Variants in CFAP299 observed in about 807,000 individuals in gnomAD.
CFAP299 encodes cilia and flagella associated protein 299.
A neutral mutation model predicts 27.0 loss-of-function variants in CFAP299; 21 were observed. That is an observed-to-expected ratio of 0.78 (90% CI 0.55 to 1.12). The LOEUF (loss-of-function observed/expected upper bound fraction) is 1.12, where lower values mean the gene tolerates loss of function less well. Among genes scored for constraint, CFAP299 ranks in the 50% most tolerant of loss-of-function variants. CFAP299 has a pLI of 0.00. For synonymous variants in CFAP299, 104 were observed against 98.1 expected, an observed-to-expected ratio of 1.06 and a Z score of -0.36; for missense variants, 310 against 276.6, an observed-to-expected ratio of 1.12 and a Z score of -0.86.
chr4:80,390,640 T>TATGTATATATGTATATATGTATACACAC (rs1725328421), intron 2 of CFAP299, among the ~76,000 whole-genome samples: 1 of 94,518 alleles, frequency 1.1e-5, no homozygotes, highest in African/African-American at 4.8e-5. Context: ...TGTATACACA[T>TATGTATATATGTATATATGTATACACAC]ATATGTATGT....
At chr4:80,617,174 T>G (rs1367897826) in intron 3 of CFAP299, among the ~76,000 whole-genome samples, 2 of 152,254 alleles carry the variant, frequency 1.3e-5, no homozygotes, top group Middle Eastern at 3.4e-3. Flanking sequence ...AAAAAAGTAA[T>G]GAAATTGTGA....
In CFAP299 at chr4:80,526,781, A is replaced by G. The variant is rs147567938; in HGVS notation, c.243-56312A>G. ...AGAACAGATTCACTTTATCTCTCAT[A>G]TTACATTTTACCTTACACACCTTTT... On this transcript the variant is annotated intron_variant, in intron 2 of 5. Transcript: ENST00000358105. Among the ~76,000 whole-genome samples, 305 of 152,250 alleles carry G rather than the reference A, an allele frequency of 2.0e-3. 1 individual carries two copies. Among genetic ancestry groups the G allele is most frequent in the Non-Finnish European group, 3.6e-3 (243 of 68,006 alleles).
intron 3 of CFAP299, among the ~76,000 whole-genome samples, chr4:80,679,499 C>A (rs1719692418): frequency 6.6e-6 from 1 of 151,958 alleles, no homozygotes; most frequent in African/African-American, 2.4e-5. Context: ...AGCGGCCAAA[C>A]TATTTTCCAG....
At chr4:80,681,436 A>AT (rs1246452163) in intron 3 of CFAP299, among the ~76,000 whole-genome samples, 4 of 152,068 alleles carry the variant, frequency 2.6e-5, no homozygotes, top group African/African-American at 9.7e-5. Context: ...GCAAAAAAAA[A>AT]AACTGAGAAA....
At chr4:80,343,133 A>G (rs1722536943) in intron 1 of CFAP299, among the ~76,000 whole-genome samples, 2 of 152,214 alleles carry the variant, frequency 1.3e-5, no homozygotes, top group South Asian at 2.1e-4. Context: ...TAACTATCTT[A>G]AATATATATG....
intron 2 of CFAP299, among the ~76,000 whole-genome samples, chr4:80,552,924 G>A (rs1407310546): frequency 6.6e-6 from 1 of 152,110 alleles, no homozygotes; most frequent in African/African-American, 2.4e-5. Flanking sequence ...CTGGCCCCAA[G>A]TGGTTCTCCT....
chr4:80,483,045 G>A (rs1730643495), intron 2 of CFAP299, among the ~76,000 whole-genome samples: 1 of 152,174 alleles, frequency 6.6e-6, no homozygotes, highest in South Asian at 2.1e-4. Flanking sequence ...AGGTTACTAG[G>A]CAGCTGGTCT....
At chr4:80,417,269 G>A (rs182336771) in intron 2 of CFAP299, among the ~76,000 whole-genome samples, 1 of 152,230 alleles carries the variant, frequency 6.6e-6, no homozygotes, top group Non-Finnish European at 1.5e-5. Context: ...TCACCATCTT[G>A]GTTTTGGTGG....
intron 4 of CFAP299, among the ~76,000 whole-genome samples, chr4:80,902,314 T>TATATATATGGATTATTATTTTATCC (rs1734940600): frequency 6.7e-6 from 1 of 148,400 alleles, no homozygotes; most frequent in Non-Finnish European, 1.5e-5. Context: ...ATTTTATCCA[T>TATATATATGGATTATTATTTTATCC]ATATATATGG....
At chr4:80,533,721 T>C (rs1733583541) in intron 2 of CFAP299, among the ~76,000 whole-genome samples, 1 of 152,144 alleles carries the variant, frequency 6.6e-6, no homozygotes, top group South Asian at 2.1e-4. Context: ...GCAAATCAAT[T>C]TTACATCACT....
At chr4:80,378,547 T>G (rs1724539952) in intron 2 of CFAP299, among the ~76,000 whole-genome samples, 1 of 152,124 alleles carries the variant, frequency 6.6e-6, no homozygotes, top group African/African-American at 2.4e-5. Context: ...TAGTGGGTTT[T>G]TTTGTAGATA....
intron 2 of CFAP299, among the ~76,000 whole-genome samples, chr4:80,434,034 C>A (rs1021692789): frequency 6.6e-6 from 1 of 152,034 alleles, no homozygotes; most frequent in African/African-American, 2.4e-5. Flanking sequence ...TACCAAATGC[C>A]TGTTATGTAT....
At chr4:80,769,778 G>C (rs1467568912) in intron 3 of CFAP299, among the ~76,000 whole-genome samples, 4 of 152,158 alleles carry the variant, frequency 2.6e-5, no homozygotes, top group Admixed American at 6.5e-5. Flanking sequence ...GCCTCAACAA[G>C]CCAAAATCAA....
At chr4:80,918,716 C>T (rs1199427074) in intron 4 of CFAP299, among the ~76,000 whole-genome samples, 17 of 152,034 alleles carry the variant, frequency 1.1e-4, no homozygotes, top group Non-Finnish European at 2.5e-4. Context: ...GAGAGGGAGA[C>T]TTTGCTGCCC....
At chr4:80,817,233 A>T (rs932623720) in intron 3 of CFAP299, among the ~76,000 whole-genome samples, 1 of 152,064 alleles carries the variant, frequency 6.6e-6, no homozygotes, top group East Asian at 1.9e-4. Flanking sequence ...TGAGCCATTT[A>T]TTGCAACTGC....
intron 2 of CFAP299, among the ~76,000 whole-genome samples, chr4:80,563,224 A>T (rs1735125207): frequency 6.6e-6 from 1 of 152,136 alleles, no homozygotes; most frequent in Non-Finnish European, 1.5e-5. Context: ...AGAACATTTC[A>T]TCAAAGAGCT....
intron 5 of CFAP299, among the ~76,000 whole-genome samples, chr4:80,951,799 A>G (rs764668381): frequency 1.3e-5 from 2 of 152,188 alleles, no homozygotes; most frequent in Non-Finnish European, 2.9e-5. Flanking sequence ...AACTTCATTC[A>G]TTTAAAATAT....
chr4:80,553,737 T>C (rs1170496899), intron 2 of CFAP299, among the ~76,000 whole-genome samples: 3 of 152,188 alleles, frequency 2.0e-5, no homozygotes, highest in Non-Finnish European at 4.4e-5. Flanking sequence ...TTGATTTGCA[T>C]TTCTCAAATG....
intron 2 of CFAP299, among the ~76,000 whole-genome samples, chr4:80,559,415 C>T (rs1245896865): frequency 3.3e-5 from 5 of 151,988 alleles, no homozygotes; most frequent in African/African-American, 1.2e-4. Context: ...AGAGGTGGAG[C>T]AAGATGGGGG....
Sources: allele counts gnomAD v4.1 joint callset (sites outside exome capture counted in the v4.1 genomes callset), GRCh38; gene constraint gnomAD v4.1.1; transcripts MANE v1.5; gene names NCBI Gene and HGNC (gene_info 2026-07-23, HGNC 2026-07-21).